The following SLC41A3 variants were observed in gnomAD, a reference collection of about 807,000 sequenced individuals.
SLC41A3 encodes SLC41A1-like 2.
SLC41A3 carries 44 observed loss-of-function variants against 45.4 expected under a neutral mutation model. The ratio of observed to expected loss-of-function variants is 0.97; its 90% CI spans 0.76 to 1.25. SLC41A3 has a LOEUF of 1.25. Among genes scored for constraint, SLC41A3 ranks in the 50% most tolerant of loss-of-function variants. SLC41A3 has a pLI of 0.00. For missense variants in SLC41A3, 550 were observed against 600.6 expected, an observed-to-expected ratio of 0.92 and a Z score of 0.88; for synonymous variants, 256 against 252.4, an observed-to-expected ratio of 1.01 and a Z score of -0.13.
At chr3:126,088,057 A>G (rs60432833), upstream of SLC41A3, among the ~76,000 whole-genome samples, 34,044 of 151,904 alleles carry the variant, frequency 0.22, 4,330 homozygotes, top group Non-Finnish European at 0.28. Flanking sequence ...GCCTTAGATA[A>G]TAGATCTCTC....
chr3:126,032,834 G>A (rs188566887), intron 4 of SLC41A3, among the ~76,000 whole-genome samples: 146 of 152,234 alleles, frequency 9.6e-4, no homozygotes, highest in African/African-American at 3.5e-3. Flanking sequence ...ATAAACAATG[G>A]GCTGATCTGA....
At chr3:126,071,387 A>G (rs992593067) in intron 1 of SLC41A3, among the ~76,000 whole-genome samples, 8 of 152,216 alleles carry the variant, frequency 5.3e-5, no homozygotes, top group Non-Finnish European at 1.5e-5. Context: ...TATGCCTAAC[A>G]ACAAAGCCCC....
At chr3:126,017,366 G>C (rs1940410122) in intron 6 of SLC41A3, among the ~76,000 whole-genome samples, 1 of 152,236 alleles carries the variant, frequency 6.6e-6, no homozygotes, top group Non-Finnish European at 1.5e-5. Context: ...TGGAACGCCA[G>C]GGCCGGCTAT....
intron 3 of SLC41A3, among the ~76,000 whole-genome samples, chr3:126,038,191 G>A (rs6776958): frequency 0.056 from 8,533 of 152,314 alleles, 719 homozygotes; most frequent in African/African-American, 0.18. Context: ...CCCCCACGGA[G>A]AAACCCTACT....
At chr3:126,067,626 G>C (rs1237062321) in intron 2 of SLC41A3, 1 of 492,580 alleles carries the variant, frequency 2.0e-6, no homozygotes, top group African/African-American at 1.9e-5. Context: ...GCACCCCAGT[G>C]TGTGGGACTT....
chr3:126,068,421 G>A (rs1944461554), intron 1 of SLC41A3, among the ~76,000 whole-genome samples, 175 bp from the exon 2 acceptor site: 1 of 152,112 alleles, frequency 6.6e-6, no homozygotes, highest in Non-Finnish European at 1.5e-5. Flanking sequence ...ATAGTTTGTT[G>A]TTTAATATGC....
intron 2 of SLC41A3, chr3:126,067,558 C>T (rs1195697399): frequency 4.4e-6 from 2 of 449,438 alleles, no homozygotes; most frequent in Admixed American, 2.4e-5. Context: ...GCTGCCAACA[C>T]CTTGATCTTG....
chr3:126,072,203 A>G (rs1944652507), intron 1 of SLC41A3, among the ~76,000 whole-genome samples: 1 of 152,188 alleles, frequency 6.6e-6, no homozygotes, highest in African/African-American at 2.4e-5. Context: ...TAGTGCTTAG[A>G]GGGAAGTTTA....
Position 126,012,621 on chromosome 3 carries a change from T to C in SLC41A3, c.1099A>G (p.Thr367Ala). The C allele has an allele frequency of 6.2e-7, 1 of 1,614,174 alleles. No individual in the cohort carries two copies. Among genetic ancestry groups the C allele is most frequent in the East Asian group, 2.2e-5 (1 of 44,888 alleles). Residue 367 changes from threonine (T) to alanine (A), a missense_variant, in exon 9 of 11, where the codon ACG becomes GCG. Coordinates refer to ENST00000360370, the MANE Select transcript of SLC41A3 (RefSeq NM_017836.4). ...TGAAAGACATGACACCCACCTGACG[T>C]GCAGAAAGTAGAACACGGGTTGGGC... ...FWPNPCSTFC[T>A]SEINSMSARV...
chr3:126,011,352 G>A (rs1456333359), intron 9 of SLC41A3, among the ~76,000 whole-genome samples: 1 of 152,122 alleles, frequency 6.6e-6, no homozygotes, highest in Non-Finnish European at 1.5e-5. Flanking sequence ...GAGAGGGCAG[G>A]GGAAAAAAGA....
chr3:126,011,944 G>C (rs1939755254), intron 9 of SLC41A3, among the ~76,000 whole-genome samples: 1 of 152,226 alleles, frequency 6.6e-6, no homozygotes, highest in Non-Finnish European at 1.5e-5. Context: ...CCAACAAAAA[G>C]ACACAACATC....
At chr3:126,082,616 C>T (rs1333956760) in intron 1 of SLC41A3, among the ~76,000 whole-genome samples, 3 of 152,166 alleles carry the variant, frequency 2.0e-5, no homozygotes, top group Admixed American at 2.0e-4. Context: ...GGGGGGTATC[C>T]GCCCCCATCA....
intron 6 of SLC41A3, among the ~76,000 whole-genome samples, chr3:126,021,861 G>A (rs983830101): frequency 1.4e-4 from 21 of 152,188 alleles, no homozygotes; most frequent in African/African-American, 4.6e-4. Context: ...GGAAGAGGCT[G>A]TTCCTAAGTT....
At chr3:126,074,467 C>T (rs1264284974) in intron 1 of SLC41A3, among the ~76,000 whole-genome samples, 13 of 151,940 alleles carry the variant, frequency 8.6e-5, no homozygotes, top group Non-Finnish European at 8.8e-5. Context: ...AGAAATGAGA[C>T]GTATCCAGCT....
At chr3:126,095,132 A>T (rs1945569579) in intron 1 of SLC41A3, 1 of 601,854 alleles carries the variant, frequency 1.7e-6, no homozygotes, top group Admixed American at 2.7e-5. Context: ...ATAACAAAAA[A>T]TTGGGAAATA....
intron 2 of SLC41A3, among the ~76,000 whole-genome samples, chr3:126,060,467 T>C (rs1325399531): frequency 4.0e-5 from 2 of 50,262 alleles, no homozygotes; most frequent in East Asian, 5.6e-4. Context: ...CACACGTGCA[T>C]GCACAGTGAA....
chr3:126,099,147 A>G (rs1945661897), intron 1 of SLC41A3, among the ~76,000 whole-genome samples: 1 of 152,036 alleles, frequency 6.6e-6, no homozygotes, highest in South Asian at 2.1e-4. Flanking sequence ...GGCAGTGCAG[A>G]AGGCAACCCA....
At chr3:126,009,299 G>A (rs2107636863) in intron 9 of SLC41A3, among the ~76,000 whole-genome samples, 1 of 152,322 alleles carries the variant, frequency 6.6e-6, no homozygotes, top group South Asian at 2.1e-4. Flanking sequence ...GGCTTAAGGA[G>A]GAAAAGAGCT....
intron 1 of SLC41A3, among the ~76,000 whole-genome samples, chr3:126,100,268 C>T (rs1340164682): frequency 3.9e-5 from 6 of 152,192 alleles, no homozygotes; most frequent in Admixed American, 3.9e-4. Context: ...ATTCTCCTTC[C>T]CTTTATTACC....
Sources: gnomAD v4.1 joint callset for allele counts (sites outside exome capture counted in the v4.1 genomes callset) on GRCh38, gnomAD v4.1.1 for gene constraint, MANE v1.5 for transcripts, NCBI Gene and HGNC (gene_info 2026-07-23, HGNC 2026-07-21) for gene names.